The following BCL2L14 variants were observed in gnomAD, a reference collection of about 807,000 sequenced individuals.
BCL2L14 encodes apoptosis facilitator Bcl-2-like protein 14.
In BCL2L14, 27 loss-of-function variants were observed where a neutral mutation model predicts 35.3. The observed-to-expected ratio is 0.76, with a 90% CI of 0.56 to 1.05. The LOEUF is 1.05. Among genes scored for constraint, BCL2L14 ranks in the 50% least tolerant of loss-of-function variants. The pLI is 0.00. For missense variants in BCL2L14, 377 were observed against 382.6 expected (o/e 0.99, Z 0.12); for synonymous variants, 139 against 145.9 (o/e 0.95, Z 0.34).
At chr12:12,078,811 T>TTTTTGTC (rs2136746366) in intron 1 of BCL2L14, among the ~76,000 whole-genome samples, 1 of 152,178 alleles carries the variant, frequency 6.6e-6, no homozygotes, top group East Asian at 1.9e-4. Flanking sequence ...TGTTTTTTGT[T>TTTTTGTC]TTTTGAGACG....
chr12:12,094,736 G>C lies in BCL2L14; in HGVS notation c.751G>C (p.Asp251His). The C allele has an allele frequency of 1.2e-6, 2 of 1,614,206 alleles. No homozygotes were observed. The highest frequency in any genetic ancestry group is 1.7e-5 in the Admixed American group (1 of 60,026). Reference sequence around the variant, plus strand: ...CTACTCTGTTTTCAAGACCATCACAGACCAGGTCCTAATGGGTGTGGACCC... The same window carrying C: ...CTACTCTGTTTTCAAGACCATCACACACCAGGTCCTAATGGGTGTGGACCC... Reference protein sequence around the residue: ...LSYSVFKTITDQVLMGVDPRG... With the variant: ...LSYSVFKTITHQVLMGVDPRG... The change falls in exon 5 of 6, where the codon GAC becomes CAC. Residue 251 changes from aspartate to histidine, a missense_variant. Coordinates refer to ENST00000308721, the MANE Select transcript of BCL2L14 (RefSeq NM_138723.2).
At chr12:12,057,842 C>T (rs1029462257) in intron 2 of BCL2L14, among the ~76,000 whole-genome samples, 8 of 147,866 alleles carry the variant, frequency 5.4e-5, no homozygotes, top group African/African-American at 2.0e-4. Context: ...TAGTGGTTAG[C>T]GTCATGGGCC....
intron 2 of BCL2L14, among the ~76,000 whole-genome samples, chr12:12,061,686 G>A (rs1012808380): frequency 4.6e-5 from 7 of 151,880 alleles, no homozygotes; most frequent in South Asian, 2.1e-4. Context: ...GCCTCTCTTC[G>A]CTGTCACCTG....
upstream of BCL2L14, among the ~76,000 whole-genome samples, chr12:12,066,569 T>C (rs1948596138): frequency 6.6e-6 from 1 of 152,168 alleles, no homozygotes; most frequent in African/African-American, 2.4e-5. Context: ...TATAACAATT[T>C]CAAAAATATT....
intron 1 of BCL2L14, among the ~76,000 whole-genome samples, chr12:12,076,156 C>G (rs1948776622): frequency 1.7e-5 from 1 of 59,158 alleles, no homozygotes; most frequent in African/African-American, 7.3e-5. Context: ...CCGGAAAATG[C>G]ATGGGGGAGG....
At chr12:12,060,618 T>A (rs555431787) in intron 2 of BCL2L14, among the ~76,000 whole-genome samples, 1 of 35,214 alleles carries the variant, frequency 2.8e-5, no homozygotes, top group East Asian at 0.038. Flanking sequence ...GGCCTAAACC[T>A]CAGCGTCCAG....
rs540495999 is a variant in BCL2L14, at chr12:12,062,036, G to A, written c.-272+10189G>A. On this transcript the variant is annotated intron_variant, in intron 2 of 3. Coordinates refer to the BCL2L14 transcript ENST00000461264. ...CCTAGCCCTCATGTCTCCGTGCAGT[G>A]GCTGCTGCCGCCCTAATACTTTTAG... Among the ~76,000 whole-genome samples the A allele has an allele frequency of 7.2e-4, 110 of 152,060 alleles. 1 individual carries two copies. The highest frequency in any genetic ancestry group is 1.6e-3 in the African/African-American group (65 of 41,470).
chr12:12,079,947 G>A lies in BCL2L14; in HGVS notation c.433+209G>A, dbSNP rs1201164443. On this transcript the variant is annotated intron_variant, in intron 2 of 5. Transcript: ENST00000308721. ...TGCCTGGGCGCGGTGGCTCACGCCT[G>A]TAATCCCAGCACTCTGGGAGGCCAA... Among the ~76,000 whole-genome samples, 3 of 152,238 alleles carry A rather than the reference G, an allele frequency of 2.0e-5. No homozygotes were observed. In the East Asian group the frequency reaches 5.8e-4, roughly 29 times the overall value.
chr12:12,090,885 G>C (rs765733861), intron 4 of BCL2L14, 36 bp downstream of exon 4: 8 of 1,529,822 alleles, frequency 5.2e-6, no homozygotes, highest in Non-Finnish European at 3.6e-6. Flanking sequence ...ATTGATTTCT[G>C]TGCCCATGCA....
At chr12:12,051,750 G>A (rs1948360486) in intron 1 of BCL2L14, 2 of 152,186 alleles carry the variant, frequency 1.3e-5, no homozygotes, top group Non-Finnish European at 2.9e-5. Context: ...CACCATGCTT[G>A]TGCCAAGTGG....
At chr12:12,073,369 C>T (rs564178267) in intron 1 of BCL2L14, among the ~76,000 whole-genome samples, 9 of 152,240 alleles carry the variant, frequency 5.9e-5, no homozygotes, top group Admixed American at 2.0e-4. Flanking sequence ...CTTTGCCTGT[C>T]GACTGGGCCA....
intron 5 of BCL2L14, among the ~76,000 whole-genome samples, chr12:12,097,972 G>C (rs1949352167): frequency 6.6e-6 from 1 of 152,074 alleles, no homozygotes; most frequent in Non-Finnish European, 1.5e-5. Flanking sequence ...CCACAGTTAA[G>C]TTTAATTTGG....
rs373977783 is a variant in BCL2L14 at position 12,058,530 on chromosome 12, G to A, written c.-272+6683G>A. On this transcript the variant is annotated intron_variant, in intron 2 of 3. Transcript: ENST00000461264. ...TGTTCCTGCCTTAACTGATGACATT[G>A]TCTTGTGAAATTCCTTCTCCTGGCT... is the stretch of plus-strand genomic sequence containing the variant. Among the ~76,000 whole-genome samples, 117 of 152,214 alleles carry A rather than the reference G, an allele frequency of 7.7e-4. 1 individual carries two copies. Among genetic ancestry groups the A allele is most frequent in the African/African-American group, 2.6e-3 (108 of 41,528 alleles).
At chr12:12,089,636 T>C (rs1949132709) in intron 3 of BCL2L14, among the ~76,000 whole-genome samples, 1 of 152,100 alleles carries the variant, frequency 6.6e-6, no homozygotes, top group Non-Finnish European at 1.5e-5. Flanking sequence ...AGGTGGAGGT[T>C]GCAGTGAGCC....
At chr12:12,055,450 C>G (rs1032441495) in intron 2 of BCL2L14, 2 of 152,160 alleles carry the variant, frequency 1.3e-5, no homozygotes, top group African/African-American at 2.4e-5. Context: ...CCATTTAATA[C>G]CCCAGTTTCA....
chr12:12,089,672 T>G (rs1591833316), intron 3 of BCL2L14, among the ~76,000 whole-genome samples: 1 of 152,210 alleles, frequency 6.6e-6, no homozygotes, highest in African/African-American at 2.4e-5. Flanking sequence ...CACTCCAGCC[T>G]GGGTGACAGA....
At chr12:12,052,750 G>T (rs1948375445) in intron 2 of BCL2L14, among the ~76,000 whole-genome samples, 1 of 152,210 alleles carries the variant, frequency 6.6e-6, no homozygotes, top group Non-Finnish European at 1.5e-5. Flanking sequence ...AAGTGGGATT[G>T]CTGTATCAGG....
At chr12:12,083,596 G>C (rs1188660427) in intron 2 of BCL2L14, among the ~76,000 whole-genome samples, 2 of 152,142 alleles carry the variant, frequency 1.3e-5, no homozygotes, top group East Asian at 3.9e-4. Context: ...CTTTAAAAGA[G>C]GACAAAAGTT....
In BCL2L14 at chr12:12,090,904, C is replaced by T. The variant is rs764329923; in HGVS notation, c.678+55C>T. ...ATTTCTGTGCCCATGCACTAGTACA[C>T]GAGAATGGAATTGTATTCCAGGTTG... On this transcript the variant is annotated intron_variant, in intron 4 of 5. Transcript: ENST00000308721. 89 of 1,381,922 alleles carry T rather than the reference C, an allele frequency of 6.4e-5. 2 individuals carry two copies. The South Asian group carries it at 1.1e-3, about 17-fold the overall frequency. The allele number at this position is 1,381,922 out of a possible 1,614,324, so 85.6% of individuals were successfully genotyped here. A position where few individuals can be genotyped will look rare whatever the true frequency, so the allele number is the denominator to read the frequency against.
Sources: allele counts gnomAD v4.1 joint callset (sites outside exome capture counted in the v4.1 genomes callset), GRCh38; gene constraint gnomAD v4.1.1; transcripts MANE v1.5; gene names NCBI Gene and HGNC (gene_info 2026-07-23, HGNC 2026-07-21).